Variants in LCLAT1 observed in about 807,000 individuals in gnomAD.
The protein encoded by LCLAT1 is lysocardiolipin acyltransferase 1.
A neutral mutation model predicts 30.7 loss-of-function variants in LCLAT1; 11 were observed. The observed-to-expected ratio is 0.36, with a 90% CI of 0.23 to 0.59. The LOEUF is 0.59. LCLAT1 is among the 20% of genes least tolerant of loss of function. The probability of loss-of-function intolerance (pLI) is 0.77; values close to 1 mark genes in which losing one functional copy is unlikely to be tolerated. For synonymous variants in LCLAT1, 155 were observed against 151.3 expected (o/e 1.02, Z -0.18); for missense variants, 402 against 458.6 (o/e 0.88, Z 1.13).
intron 5 of LCLAT1, among the ~76,000 whole-genome samples, chr2:30,595,860 T>C (rs762290335): frequency 1.3e-5 from 2 of 152,172 alleles, no homozygotes; most frequent in Admixed American, 6.5e-5. Flanking sequence ...TATGTTCTCG[T>C]TGTTCACCTC....
chr2:30,622,684 G>A (rs1668321473), intron 5 of LCLAT1, among the ~76,000 whole-genome samples: 2 of 152,166 alleles, frequency 1.3e-5, no homozygotes, highest in African/African-American at 2.4e-5. Context: ...CCGCTGGTTG[G>A]CTAGACCCAG....
chr2:30,581,495 T>C (rs925724658), intron 5 of LCLAT1, among the ~76,000 whole-genome samples: 1 of 152,196 alleles, frequency 6.6e-6, no homozygotes, highest in African/African-American at 2.4e-5. Flanking sequence ...CCAGGATATG[T>C]AGTCCACCTA....
At chr2:30,554,167 G>A (rs1664813500) in intron 3 of LCLAT1, among the ~76,000 whole-genome samples, 1 of 152,212 alleles carries the variant, frequency 6.6e-6, no homozygotes, top group South Asian at 2.1e-4. Context: ...AAACCTCATG[G>A]ATATTGCTAC....
chr2:30,623,389 G>A (rs189584102), intron 5 of LCLAT1, among the ~76,000 whole-genome samples: 117 of 152,174 alleles, frequency 7.7e-4, no homozygotes, highest in Non-Finnish European at 1.4e-3. Flanking sequence ...GATATGGACA[G>A]AAAACCGTCC....
chr2:30,474,441 G>C (rs1213145149), intron 1 of LCLAT1, among the ~76,000 whole-genome samples: 1 of 152,156 alleles, frequency 6.6e-6, no homozygotes, highest in Non-Finnish European at 1.5e-5. Context: ...TTAAATTTAA[G>C]AGACAGGGAC....
At chr2:30,572,414 AG>A (rs1474009333) in intron 5 of LCLAT1, among the ~76,000 whole-genome samples, 1 of 152,240 alleles carries the variant, frequency 6.6e-6, no homozygotes, top group Non-Finnish European at 1.5e-5. Context: ...TTAAAAATAC[AG>A]ATACTGAGGT....
At chr2:30,495,354 C>G (rs894534749) in intron 1 of LCLAT1, among the ~76,000 whole-genome samples, 4 of 152,090 alleles carry the variant, frequency 2.6e-5, no homozygotes, top group African/African-American at 9.7e-5. Flanking sequence ...TTAATTCTCT[C>G]TAATCCAAAG....
At chr2:30,463,151 A>G (rs946189565) in intron 1 of LCLAT1, among the ~76,000 whole-genome samples, 3 of 151,954 alleles carry the variant, frequency 2.0e-5, no homozygotes, top group African/African-American at 7.2e-5. Flanking sequence ...ATACATTTAT[A>G]TATTTATAAA....
intron 5 of LCLAT1, among the ~76,000 whole-genome samples, chr2:30,581,498 T>G (rs956461923): frequency 1.8e-4 from 27 of 152,182 alleles, no homozygotes; most frequent in African/African-American, 6.3e-4. Flanking sequence ...GGATATGTAG[T>G]CCACCTAAGT....
At chr2:30,476,420 A>G (rs774741992) in intron 1 of LCLAT1, 6 of 456,514 alleles carry the variant, frequency 1.3e-5, no homozygotes, top group African/African-American at 4.0e-5. Flanking sequence ...CATCACTTGA[A>G]TTATCTCCTG....
intron 4 of LCLAT1, among the ~76,000 whole-genome samples, chr2:30,562,613 A>G (rs1354849897): frequency 6.6e-6 from 1 of 152,200 alleles, no homozygotes; most frequent in Non-Finnish European, 1.5e-5. Flanking sequence ...AGCCCATTGA[A>G]TTTATAGTAG....
intron 1 of LCLAT1, among the ~76,000 whole-genome samples, chr2:30,463,622 C>T (rs78436382): frequency 0.13 from 19,280 of 152,132 alleles, 1,361 homozygotes; most frequent in South Asian, 0.23. Context: ...AACAATATAA[C>T]TATTTATATA....
At chr2:30,468,573 A>G (rs1682600951) in intron 1 of LCLAT1, among the ~76,000 whole-genome samples, 1 of 152,122 alleles carries the variant, frequency 6.6e-6, no homozygotes, top group South Asian at 2.1e-4. Flanking sequence ...TAAGCATTTT[A>G]AAGTGGACAA....
At chr2:30,495,311 A>G (rs905665711) in intron 1 of LCLAT1, among the ~76,000 whole-genome samples, 21 of 152,230 alleles carry the variant, frequency 1.4e-4, no homozygotes, top group African/African-American at 5.1e-4. Flanking sequence ...TGGAACTGGA[A>G]AGGACCTTCA....
intron 5 of LCLAT1, among the ~76,000 whole-genome samples, chr2:30,632,210 G>T (rs887276372): frequency 2.0e-5 from 3 of 152,160 alleles, no homozygotes; most frequent in East Asian, 1.9e-4. Context: ...CCAGCTGAAG[G>T]TTAACTTTGA....
chr2:30,459,451 T>C (rs1239581945), intron 1 of LCLAT1: 5 of 659,108 alleles, frequency 7.6e-6, no homozygotes, highest in African/African-American at 1.8e-5. Flanking sequence ...TTCAGGTCCC[T>C]GGGCCCGTAA....
intron 3 of LCLAT1, among the ~76,000 whole-genome samples, chr2:30,556,385 T>C (rs1664920057): frequency 6.6e-6 from 1 of 151,928 alleles, no homozygotes; most frequent in Admixed American, 6.5e-5. Flanking sequence ...CTTTCCACAT[T>C]AGAGAACAAA....
intron 1 of LCLAT1, chr2:30,476,328 C>A (rs1165261833): frequency 2.2e-6 from 1 of 454,140 alleles, no homozygotes; most frequent in Admixed American, 2.4e-5. Flanking sequence ...GGAACCAGGA[C>A]CAGTTTATGT....
chr2:30,582,765 C>T (rs2363851), intron 5 of LCLAT1, among the ~76,000 whole-genome samples: 19,207 of 152,088 alleles, frequency 0.13, 1,345 homozygotes, highest in South Asian at 0.23. Context: ...TAACGTTTGG[C>T]TAGGAGAGGA....
Sources: allele counts gnomAD v4.1 joint callset (sites outside exome capture counted in the v4.1 genomes callset), GRCh38; gene constraint gnomAD v4.1.1; transcripts MANE v1.5; gene names NCBI Gene and HGNC (gene_info 2026-07-23, HGNC 2026-07-21).